WWOX: variants seen among roughly 807,000 people sequenced by gnomAD.
WWOX encodes the protein WW domain-containing oxidoreductase.
A neutral mutation model predicts 46.2 loss-of-function variants in WWOX; 69 were observed. The ratio of observed to expected loss-of-function variants is 1.49; its 90% CI spans 1.23 to 1.82. The LOEUF is 1.82. WWOX is among the 40% of genes most tolerant of loss of function. The pLI, the probability that WWOX is intolerant of heterozygous loss-of-function variation, is 0.00. For synonymous variants in WWOX, 359 were observed against 202.6 expected (o/e 1.77, Z -6.56); for missense variants, 919 against 542.6 (o/e 1.69, Z -6.89).
At chr16:78,956,277 C>G (rs768737136) in intron 8 of WWOX, among the ~76,000 whole-genome samples, 3 of 152,178 alleles carry the variant, frequency 2.0e-5, no homozygotes, top group Non-Finnish European at 2.9e-5. Flanking sequence ...TCCTGAGTAG[C>G]TGGGATTATA....
chr16:78,973,210 C>G (rs16949065), intron 8 of WWOX, among the ~76,000 whole-genome samples: 4,257 of 152,252 alleles, frequency 0.028, 88 homozygotes, highest in East Asian at 0.12. Context: ...GCCCTTATTA[C>G]AAAACCACAG....
At chr16:78,340,030 G>GA (rs1567511804) in intron 5 of WWOX, among the ~76,000 whole-genome samples, 1 of 23,420 alleles carries the variant, frequency 4.3e-5, no homozygotes, top group East Asian at 9.1e-4. Context: ...GGGGGGGGGG[G>GA]ACGTTTCTAT....
At chr16:78,995,687 C>T (rs2046976045) in intron 8 of WWOX, among the ~76,000 whole-genome samples, 1 of 152,118 alleles carries the variant, frequency 6.6e-6, no homozygotes. Context: ...ATTTGATTCT[C>T]AGGACTGGTA....
chr16:78,436,731 A>C (rs1039596062), intron 8 of WWOX, among the ~76,000 whole-genome samples: 1 of 152,188 alleles, frequency 6.6e-6, no homozygotes, highest in Non-Finnish European at 1.5e-5. Context: ...TTAGGAGAGG[A>C]ATCACTGTGA....
intron 8 of WWOX, among the ~76,000 whole-genome samples, chr16:78,927,881 T>C (rs1441244747): frequency 1.3e-5 from 2 of 152,204 alleles, no homozygotes; most frequent in African/African-American, 2.4e-5. Flanking sequence ...CAATGAATTA[T>C]TCTTTTACCC....
At chr16:78,255,432 T>C (rs2038101410) in intron 5 of WWOX, among the ~76,000 whole-genome samples, 1 of 152,184 alleles carries the variant, frequency 6.6e-6, no homozygotes, top group African/African-American at 2.4e-5. Flanking sequence ...AAATTAGCGT[T>C]TGCGGTTACT....
intron 8 of WWOX, among the ~76,000 whole-genome samples, chr16:78,705,613 G>A (rs1015515411): frequency 6.6e-6 from 1 of 152,154 alleles, no homozygotes; most frequent in Non-Finnish European, 1.5e-5. Flanking sequence ...TAAAGTAACA[G>A]AAAAGGACTG....
At chr16:78,119,971 A>G (rs1266228947) in intron 4 of WWOX, among the ~76,000 whole-genome samples, 1 of 152,150 alleles carries the variant, frequency 6.6e-6, no homozygotes, top group East Asian at 1.9e-4. Context: ...GTAACTTTAA[A>G]GTTAGAATAG....
intron 8 of WWOX, among the ~76,000 whole-genome samples, chr16:79,171,388 A>G (rs150166148): frequency 1.3e-5 from 2 of 152,244 alleles, no homozygotes; most frequent in African/African-American, 4.8e-5. Flanking sequence ...TAATTATCAT[A>G]TACACCCTTT....
chr16:78,972,313 T>C (rs2046486903), intron 8 of WWOX, among the ~76,000 whole-genome samples: 1 of 152,090 alleles, frequency 6.6e-6, no homozygotes, highest in Non-Finnish European at 1.5e-5. Context: ...TATAAATGAA[T>C]GGAAAGGATC....
chr16:78,323,804 C>G (rs1038382300), intron 5 of WWOX, among the ~76,000 whole-genome samples: 2 of 152,164 alleles, frequency 1.3e-5, no homozygotes, highest in Admixed American at 6.5e-5. Flanking sequence ...GTCCGGCATA[C>G]TTGACTAATT....
intron 8 of WWOX, among the ~76,000 whole-genome samples, chr16:78,625,229 C>T (rs1215039638): frequency 2.0e-5 from 3 of 152,156 alleles, no homozygotes; most frequent in African/African-American, 7.2e-5. Context: ...GCTGGGGTCA[C>T]CGGGGTCGCT....
chr16:78,513,568 A>G (rs2085414745), intron 8 of WWOX, among the ~76,000 whole-genome samples: 1 of 152,188 alleles, frequency 6.6e-6, no homozygotes, highest in Admixed American at 6.5e-5. Flanking sequence ...CCTTTTGGTG[A>G]AGGAATGATC....
intron 5 of WWOX, among the ~76,000 whole-genome samples, chr16:78,367,752 C>T (rs767273966): frequency 6.9e-6 from 1 of 145,550 alleles, no homozygotes; most frequent in Non-Finnish European, 1.5e-5. Context: ...GGGCCAACCT[C>T]TTTTTTTTTT....
chr16:78,197,773 A>AC (rs2036100855), intron 5 of WWOX, among the ~76,000 whole-genome samples: 3 of 152,118 alleles, frequency 2.0e-5, no homozygotes, highest in Admixed American at 2.0e-4. Context: ...ATGGCAGTGC[A>AC]ATCAAGACAT....
At chr16:78,520,906 GCAAAAGAAGA>G (rs2043334804) in intron 8 of WWOX, among the ~76,000 whole-genome samples, 1 of 152,088 alleles carries the variant, frequency 6.6e-6, no homozygotes, top group Non-Finnish European at 1.5e-5. Context: ...GTGTTAACAA[GCAAAAGAAGA>G]CAAAAGAGCT....
chr16:78,164,241 G>T lies in WWOX; in HGVS notation c.468G>T (p.Arg156Ser), dbSNP rs140817689. The change falls in exon 5 of 9, where the codon AGG (arginine) becomes AGT (serine). Residue 156 changes from arginine (R) to serine (S), a missense_variant. Physicochemically the swap from Arg to Ser is moderately radical, Grantham distance 110 (BLOSUM62 -1). Coordinates refer to ENST00000566780, the MANE Select transcript of WWOX (RefSeq NM_016373.4). ...LHGAHVILAC[R>S]NMARASEAVS... ...GTGCACATGTGATCTTGGCCTGCAG[G>T]AACATGGCAAGGGCGAGTGAAGCAG... The T allele has an allele frequency of 6.2e-4, 999 of 1,614,150 alleles. 7 individuals carry two copies. The East Asian group carries it at 6.8e-3, about 11-fold the overall frequency.
intron 8 of WWOX, among the ~76,000 whole-genome samples, chr16:79,005,034 C>T (rs1291528648): frequency 1.3e-5 from 2 of 152,136 alleles, no homozygotes; most frequent in African/African-American, 2.4e-5. Flanking sequence ...GGAAAAAGCA[C>T]AAATGTGCTT....
intron 8 of WWOX, among the ~76,000 whole-genome samples, chr16:78,742,673 G>A (rs1245226613): frequency 2.0e-5 from 3 of 152,170 alleles, no homozygotes; most frequent in East Asian, 3.9e-4. Flanking sequence ...TTATGTCTGC[G>A]GAGTCAGAGC....
Sources: allele counts gnomAD v4.1 joint callset (sites outside exome capture counted in the v4.1 genomes callset), GRCh38; gene constraint gnomAD v4.1.1; transcripts MANE v1.5; gene names NCBI Gene and HGNC (gene_info 2026-07-23, HGNC 2026-07-21).